INTS6L: variants seen among roughly 807,000 people sequenced by gnomAD.
INTS6L encodes integrator complex subunit 6 like.
Under a neutral mutation model 64.7 loss-of-function variants are expected in INTS6L, and 18 were observed. The ratio of observed to expected loss-of-function variants is 0.28; its 90% confidence interval spans 0.19 to 0.41. The LOEUF (loss-of-function observed/expected upper bound fraction) is 0.41, where lower values mean the gene tolerates loss of function less well. Ranked by LOEUF, INTS6L falls within the 10% of genes least tolerant of loss-of-function variation. The pLI, the probability that INTS6L is intolerant of heterozygous loss-of-function variation, is 1.00. For synonymous variants in INTS6L, 227 were observed against 235.9 expected (o/e 0.96, Z 0.34); for missense variants, 533 against 661.0 (o/e 0.81, Z 2.12).
chrX:135,570,643 T>TAGAG, intron 11 of INTS6L, 97 bp downstream of exon 11: 1 of 931,619 alleles, frequency 1.1e-6, no homozygotes, highest in Non-Finnish European at 1.4e-6. Context: ...ATTAAATGTG[T>TAGAG]ATATATCTCT....
In INTS6L at chrX:135,577,429, T is replaced by C; in HGVS notation, c.2119+2T>C. ...TAAAACCCACCCTTGTACATACAGGTATAGAGTAGTGGTTGTGATTTCCTT... is the reference window on the plus strand; with the variant it reads ...TAAAACCCACCCTTGTACATACAGGCATAGAGTAGTGGTTGTGATTTCCTT... On this transcript the variant is annotated splice_donor_variant, in intron 15 of 17. Transcript: ENST00000639893. LOFTEE classifies it high-confidence loss of function. 1 of 1,206,147 alleles carries C rather than the reference T, an allele frequency of 8.3e-7. No homozygotes were observed. The highest frequency in any genetic ancestry group is 1.1e-6 in the Non-Finnish European group (1 of 890,974).
At chrX:135,538,228 G>A (rs937789760) in intron 2 of INTS6L, among the ~76,000 whole-genome samples, 11 of 112,422 alleles carry the variant, frequency 9.8e-5, no homozygotes, top group African/African-American at 3.6e-4. Flanking sequence ...CTCAAACTCT[G>A]CCACTGATGT....
chrX:135,559,462 A>T (rs2086726877), intron 9 of INTS6L, among the ~76,000 whole-genome samples: 2 of 112,430 alleles, frequency 1.8e-5, no homozygotes, highest in Admixed American at 1.9e-4. Context: ...GGTTGTTGCA[A>T]GTATCAATAG....
At chrX:135,554,188 G>T (rs2086581147) in intron 8 of INTS6L, among the ~76,000 whole-genome samples, 1 of 111,697 alleles carries the variant, frequency 9.0e-6, no homozygotes, top group African/African-American at 3.3e-5. Context: ...GGCTGATAAG[G>T]AATTTGGAAA....
At chrX:135,533,893 A>G (rs1338042903) in intron 2 of INTS6L, among the ~76,000 whole-genome samples, 1 of 111,794 alleles carries the variant, frequency 8.9e-6, no homozygotes, top group Non-Finnish European at 1.9e-5. Flanking sequence ...TGATAGCTGC[A>G]GTTGAAATAG....
intron 11 of INTS6L, chrX:135,571,731 T>A (rs782172577): frequency 2.3e-4 from 26 of 112,118 alleles, no homozygotes; most frequent in African/African-American, 6.2e-4. Context: ...CGATTTTTTT[T>A]AATTTGATGT....
At chrX:135,532,068 C>G (rs2148577095) in intron 2 of INTS6L, among the ~76,000 whole-genome samples, 1 of 112,145 alleles carries the variant, frequency 8.9e-6, no homozygotes, top group Non-Finnish European at 1.9e-5. Context: ...TTTGATTAGT[C>G]TGAACTCTAG....
rs1293328959 is a variant in INTS6L, at chrX:135,534,682, C to CTT, written c.190-10723_190-10722dup. Among the ~76,000 whole-genome samples, 518 of 92,040 alleles carry CTT rather than the reference C, an allele frequency of 5.6e-3. 5 individuals are homozygous for CTT. Among genetic ancestry groups the CTT allele is most frequent in the African/African-American group, 0.018 (452 of 24,638 alleles). The allele number at this position is 92,040 out of a possible 115,157, so 79.9% of individuals were successfully genotyped here. A position where few individuals can be genotyped will look rare whatever the true frequency, so the allele number is the denominator to read the frequency against. ...ATCCAAGAGAACTGGTTTTTCTTTT[C>CTT]TTTTTTTTTTTTTTTTTTTAAATAG... On this transcript the variant is annotated intron_variant, in intron 2 of 17. Transcript: ENST00000639893.
At chrX:135,542,812 C>A (rs1447955400) in intron 2 of INTS6L, among the ~76,000 whole-genome samples, 5 of 111,225 alleles carry the variant, frequency 4.5e-5, no homozygotes, top group African/African-American at 1.6e-4. Flanking sequence ...CCTTTGTTAC[C>A]AGTGTGGAAA....
intron 2 of INTS6L, among the ~76,000 whole-genome samples, chrX:135,540,605 A>C (rs1237781940): frequency 1.8e-5 from 2 of 110,827 alleles, no homozygotes; most frequent in African/African-American, 6.6e-5. Context: ...TCTATCACCA[A>C]GTCTGTCCTA....
chrX:135,573,107 T>G (rs1328823449), intron 12 of INTS6L, 74 bp downstream of exon 12: 3 of 923,403 alleles, frequency 3.2e-6, no homozygotes, highest in Non-Finnish European at 4.6e-6. Flanking sequence ...ATTCCTTTAG[T>G]TTTGAAATAA....
At chrX:135,546,620 A>G (rs2086363196) in intron 4 of INTS6L, 82 bp from the exon 5 acceptor site, 1 of 1,084,494 alleles carries the variant, frequency 9.2e-7, no homozygotes, top group Non-Finnish European at 1.2e-6. Context: ...AGTTACATGA[A>G]AGAAAAAGTC....
At chrX:135,541,425 T>G (rs1363401610) in intron 2 of INTS6L, among the ~76,000 whole-genome samples, 1 of 112,416 alleles carries the variant, frequency 8.9e-6, no homozygotes, top group Non-Finnish European at 1.9e-5. Context: ...TAATGAGATT[T>G]TGGCATTTTT....
intron 2 of INTS6L, among the ~76,000 whole-genome samples, chrX:135,522,335 G>T (rs782655389): frequency 9.0e-6 from 1 of 111,664 alleles, no homozygotes; most frequent in Non-Finnish European, 1.9e-5. Context: ...GTGAGCATTT[G>T]TAATAGTCAA....
intron 2 of INTS6L, among the ~76,000 whole-genome samples, chrX:135,539,709 C>A (rs782484559): frequency 1.8e-5 from 2 of 112,033 alleles, no homozygotes; most frequent in East Asian, 5.6e-4. Flanking sequence ...GCAACTGTTC[C>A]TTTCACTTGA....
At chrX:135,580,188 A>T in intron 16 of INTS6L, 26 bp downstream of exon 16, 1 of 1,156,549 alleles carries the variant, frequency 8.6e-7, no homozygotes, top group South Asian at 2.1e-5. Context: ...ACATCTATCA[A>T]TAATGCACCA....
intron 9 of INTS6L, among the ~76,000 whole-genome samples, chrX:135,557,099 T>C (rs1376701210): frequency 1.8e-5 from 2 of 111,924 alleles, no homozygotes; most frequent in Non-Finnish European, 3.8e-5. Context: ...TCATCGTAAA[T>C]GTATTAGCAT....
intron 13 of INTS6L, 70 bp from the exon 14 acceptor site, chrX:135,575,014 G>T: frequency 8.9e-7 from 1 of 1,126,974 alleles, no homozygotes. Flanking sequence ...ACCAAACTAT[G>T]ATCATGTCTT....
intron 2 of INTS6L, among the ~76,000 whole-genome samples, chrX:135,528,284 A>G (rs1219248678): frequency 8.9e-6 from 1 of 111,829 alleles, no homozygotes; most frequent in East Asian, 2.8e-4. Context: ...GAACCTTTTT[A>G]ACCCTTCATG....
Sources: allele counts gnomAD v4.1 joint callset (sites outside exome capture counted in the v4.1 genomes callset), GRCh38; gene constraint gnomAD v4.1.1; transcripts MANE v1.5; gene names NCBI Gene and HGNC (gene_info 2026-07-23, HGNC 2026-07-21).